Variants in MACROD1 observed in about 807,000 individuals in gnomAD.
MACROD1 encodes the protein ADP-ribose glycohydrolase MACROD1.
A neutral mutation model predicts 41.4 loss-of-function variants in MACROD1; 31 were observed. The observed-to-expected ratio is 0.75, with a 90% CI of 0.56 to 1.01. The LOEUF is 1.01. Ranked by LOEUF, MACROD1 falls within the 50% of genes least tolerant of loss-of-function variation. The pLI is 0.00. For synonymous variants in MACROD1, 252 were observed against 203.4 expected, an observed-to-expected ratio of 1.24 and a Z score of -2.03; for missense variants, 473 against 460.0, an observed-to-expected ratio of 1.03 and a Z score of -0.26.
chr11:64,007,202 C>T lies in MACROD1; in HGVS notation c.548-6859G>A, dbSNP rs369121400. ...AAAAATGCGTACGAGGGCTCGGGGG[C>T]GACGTGCCACGTGCCAGCCCTATGC... On this transcript the variant is annotated intron_variant, in intron 4 of 10. Transcript: ENST00000255681. Among the ~76,000 whole-genome samples the T allele has an allele frequency of 1.2e-3, 180 of 152,262 alleles. 1 individual carries two copies. Among genetic ancestry groups the T allele is most frequent in the African/African-American group, 4.0e-3 (166 of 41,552 alleles).
At chr11:64,135,514 C>T (rs1038428266) in intron 3 of MACROD1, among the ~76,000 whole-genome samples, 2 of 152,252 alleles carry the variant, frequency 1.3e-5, no homozygotes, top group African/African-American at 4.8e-5. Context: ...AGAACCATCC[C>T]TGCATTTTAT....
chr11:64,065,616 A>C (rs4980520), intron 3 of MACROD1, among the ~76,000 whole-genome samples: 70,118 of 148,562 alleles, frequency 0.47, 16,752 homozygotes, highest in South Asian at 0.7. Flanking sequence ...GGTGAAACCC[A>C]GTCTCTACTA....
In MACROD1 at chr11:64,130,762, G is replaced by A. The variant is rs368478358; in HGVS notation, c.517+20477C>T. ...TGCTGACACTGCCACCTCCCCACCC[G>A]CCACCCTGTCCAGCACCTCCAGAGG... On this transcript the variant is annotated intron_variant, in intron 3 of 10. Transcript: ENST00000255681. Among the ~76,000 whole-genome samples, 138 of 152,028 alleles carry A rather than the reference G, an allele frequency of 9.1e-4. 1 individual carries two copies. The highest frequency in any genetic ancestry group is 2.2e-3 in the Admixed American group (34 of 15,290).
intron 2 of MACROD1, 152 bp downstream of exon 2, chr11:64,152,140 A>G: frequency 1.6e-6 from 1 of 644,870 alleles, no homozygotes; most frequent in Non-Finnish European, 2.7e-6. Flanking sequence ...AAAAAATAAA[A>G]TAAAATAATT....
chr11:64,011,741 A>C (rs1225617125), intron 4 of MACROD1, among the ~76,000 whole-genome samples: 1 of 151,416 alleles, frequency 6.6e-6, no homozygotes, highest in Non-Finnish European at 1.5e-5. Context: ...GCGTGTTCGA[A>C]CAATGGGTGG....
intron 3 of MACROD1, among the ~76,000 whole-genome samples, chr11:64,079,330 C>T (rs563278971): frequency 6.6e-6 from 1 of 151,512 alleles, no homozygotes; most frequent in African/African-American, 2.4e-5. Flanking sequence ...CAGGGGTCTG[C>T]CCTCTGGGAG....
rs540823747 is a variant in MACROD1 at position 64,013,877 on chromosome 11, C to G, written c.547+1375G>C. ...CCCAGCACTCTTCGCTGGGCTCATG[C>G]CTACGCATCCCTCAGATTGCAGAGG... is the stretch of plus-strand genomic sequence containing the variant. On this transcript the variant is annotated intron_variant, in intron 4 of 10. Transcript: ENST00000255681. Among the ~76,000 whole-genome samples, 2 of 152,286 alleles carry G rather than the reference C, an allele frequency of 1.3e-5. 1 individual carries two copies. Among genetic ancestry groups the G allele is most frequent in the South Asian group, 4.1e-4 (2 of 4,824 alleles).
At chr11:64,031,500 C>T (rs1284118958) in intron 3 of MACROD1, among the ~76,000 whole-genome samples, 2 of 61,334 alleles carry the variant, frequency 3.3e-5, no homozygotes, top group Admixed American at 3.2e-4. Flanking sequence ...TTTTTTGTGA[C>T]GTAGTCTCAC....
chr11:64,097,611 G>C (rs570340291), intron 3 of MACROD1, among the ~76,000 whole-genome samples: 7 of 152,368 alleles, frequency 4.6e-5, no homozygotes, highest in Admixed American at 2.0e-4. Context: ...TCTGGGTTTT[G>C]TCAGGAGATG....
chr11:64,017,057 C>T (rs1943091171), intron 3 of MACROD1, among the ~76,000 whole-genome samples: 3 of 152,210 alleles, frequency 2.0e-5, no homozygotes, highest in Non-Finnish European at 2.9e-5. Context: ...GCAACCTCCA[C>T]CTCCCAGGTT....
intron 3 of MACROD1, among the ~76,000 whole-genome samples, chr11:64,063,708 G>A (rs1209064044): frequency 3.3e-5 from 5 of 152,176 alleles, no homozygotes; most frequent in Non-Finnish European, 7.4e-5. Context: ...CACCTCAGCG[G>A]GTGCTGAAAC....
intron 3 of MACROD1, among the ~76,000 whole-genome samples, chr11:64,023,105 A>G (rs1009392884): frequency 5.3e-5 from 8 of 152,010 alleles, no homozygotes; most frequent in Admixed American, 2.6e-4. Flanking sequence ...CAAGTGATCC[A>G]TCTGCCTTAG....
intron 3 of MACROD1, among the ~76,000 whole-genome samples, chr11:64,030,752 C>A (rs540078399): frequency 6.6e-6 from 1 of 151,872 alleles, no homozygotes; most frequent in Non-Finnish European, 1.5e-5. Context: ...GTGACCTAAT[C>A]GGGAAGGTGG....
chr11:64,159,428 G>A (rs1439054282), intron 1 of MACROD1, among the ~76,000 whole-genome samples: 7 of 152,038 alleles, frequency 4.6e-5, no homozygotes, highest in East Asian at 1.9e-4. Context: ...TCTGGGTGGC[G>A]GAGGCTGCAG....
Position 64,064,812 on chromosome 11 carries a change from G to A in MACROD1, c.518-49531C>T, listed in dbSNP as rs530943191. ...GCTGCCAACTAAAACCTGGGCACCC[G>A]GTGGCCAAGAGGCTAGAGTTTCACA... is the stretch of plus-strand genomic sequence containing the variant. On this transcript the variant is annotated intron_variant, in intron 3 of 10. Coordinates refer to ENST00000255681, the MANE Select transcript of MACROD1 (RefSeq NM_014067.4). This position sits in a 1 kb window ranked among gnomAD's most constrained non-coding sequence, Gnocchi z 4.5. 6.6e-6 allele frequency among the ~76,000 whole-genome samples: 1 copy of A among 152,048 alleles called. No homozygotes were observed. Among genetic ancestry groups the A allele is most frequent in the African/African-American group, 2.4e-5 (1 of 41,452 alleles).
intron 3 of MACROD1, among the ~76,000 whole-genome samples, chr11:64,028,150 C>T (rs76863657): frequency 0.024 from 3,579 of 152,282 alleles, 134 homozygotes; most frequent in African/African-American, 0.081. Flanking sequence ...CTAGTGCTTC[C>T]CCAGTGGGGA....
intron 3 of MACROD1, among the ~76,000 whole-genome samples, chr11:64,134,811 C>T (rs939101781): frequency 2.0e-5 from 3 of 152,236 alleles, no homozygotes; most frequent in African/African-American, 7.2e-5. Flanking sequence ...CGGGAATTGC[C>T]TGTCCACATC....
intron 8 of MACROD1, 135 bp from the exon 9 acceptor site, chr11:63,999,171 C>G: frequency 7.7e-7 from 1 of 1,304,558 alleles, no homozygotes; most frequent in Non-Finnish European, 1.0e-6. Context: ...TGTGCCATCA[C>G]CCCCATCTCG....
intron 1 of MACROD1, among the ~76,000 whole-genome samples, chr11:64,161,395 C>T (rs902086025): frequency 6.6e-6 from 1 of 152,132 alleles, no homozygotes; most frequent in African/African-American, 2.4e-5. Flanking sequence ...TGAAAAGAGG[C>T]GACTTCTGGC....
Sources: gnomAD v4.1 joint callset for allele counts (sites outside exome capture counted in the v4.1 genomes callset) on GRCh38, gnomAD v4.1.1 for gene constraint, Gnocchi (gnomAD v3.1) non-coding constraint, MANE v1.5 for transcripts, NCBI Gene and HGNC (gene_info 2026-07-23, HGNC 2026-07-21) for gene names.